SLC6A2: variants seen among roughly 807,000 people sequenced by gnomAD.
SLC6A2 encodes solute carrier family 6 member 2.
SLC6A2 carries 26 observed loss-of-function variants against 71.7 expected under a neutral mutation model. The ratio of observed to expected loss-of-function variants is 0.36; its 90% CI spans 0.27 to 0.50. The LOEUF is 0.50. Ranked by LOEUF, SLC6A2 falls within the 20% of genes least tolerant of loss-of-function variation. SLC6A2 has a pLI of 0.96. For synonymous variants in SLC6A2, 363 were observed against 337.9 expected (o/e 1.07, Z -0.82); for missense variants, 581 against 803.9 (o/e 0.72, Z 3.35).
intron 10 of SLC6A2, 36 bp downstream of exon 10, chr16:55,698,061 C>T (rs1965855222): frequency 1.2e-6 from 2 of 1,610,170 alleles, no homozygotes; most frequent in African/African-American, 1.3e-5. Context: ...ACCTGGGGGC[C>T]TCTGAGGCCG....
chr16:55,678,551 G>A (rs78727769), intron 4 of SLC6A2, among the ~76,000 whole-genome samples: 4,954 of 152,184 alleles, frequency 0.033, 257 homozygotes, highest in African/African-American at 0.11. Flanking sequence ...CAGGCTCCAG[G>A]CCTGAAGCCA....
chr16:55,672,956 A>G (rs1336447346), intron 4 of SLC6A2, among the ~76,000 whole-genome samples: 1 of 152,266 alleles, frequency 6.6e-6, no homozygotes, highest in African/African-American at 2.4e-5. Flanking sequence ...TTGACAACTT[A>G]CATAACCATG....
Position 55,703,942 on chromosome 16 carries a change from G to C in SLC6A2, c.*1596G>C, listed in dbSNP as rs1459446075. 2.0e-5 allele frequency among the ~76,000 whole-genome samples: 3 copies of C among 152,040 alleles called. No homozygotes were observed. Among genetic ancestry groups the C allele is most frequent in the African/African-American group, 4.8e-5 (2 of 41,396 alleles). On this transcript the variant is annotated 3_prime_UTR_variant, in exon 15 of 15. Transcript: ENST00000568943. ...GTCGGGGTCCTCAGGTCATTCTATA[G>C]ATAAAAGAGGGAAAATCAGGAGACT...
At chr16:55,679,046 G>C (rs1381119366) in intron 4 of SLC6A2, among the ~76,000 whole-genome samples, 1 of 152,108 alleles carries the variant, frequency 6.6e-6, no homozygotes, top group Non-Finnish European at 1.5e-5. Flanking sequence ...GACACCAGAG[G>C]CATTTTGGCA....
At chr16:55,683,974 A>T (rs900894084) in intron 4 of SLC6A2, among the ~76,000 whole-genome samples, 2 of 152,186 alleles carry the variant, frequency 1.3e-5, no homozygotes, top group African/African-American at 4.8e-5. Flanking sequence ...TGTGTGCTAG[A>T]GCCATCCCTC....
chr16:55,698,010 G>C lies in SLC6A2; in HGVS notation c.1374G>C (p.Leu458=). The C allele has an allele frequency of 1.2e-6, 2 of 1,614,152 alleles. No individual in the cohort carries two copies. Among genetic ancestry groups the C allele is most frequent in the Non-Finnish European group, 8.5e-7 (1 of 1,180,026 alleles). ...GVTFSTFLLA[L]FCITKGGIYV... ...CCTTCAGCACTTTCCTTCTCGCCCTGTTCTGCATAACCAAGGTGAGTAGGG... is the reference window on the plus strand; with the variant it reads ...CCTTCAGCACTTTCCTTCTCGCCCTCTTCTGCATAACCAAGGTGAGTAGGG... Residue 458 remains leucine, a synonymous_variant, in exon 10 of 15, where the codon CTG becomes CTC. Coordinates refer to ENST00000568943, the MANE Select transcript of SLC6A2 (RefSeq NM_001172501.3).
Position 55,691,983 on chromosome 16 carries a change from G to A in SLC6A2, c.849G>A (p.Thr283=), listed in dbSNP as rs537572640. The A allele has an allele frequency of 1.2e-5, 19 of 1,614,032 alleles. No homozygotes were observed. The highest frequency in any genetic ancestry group is 6.6e-5 in the South Asian group (6 of 91,080). The change falls in exon 6 of 15, where the codon ACG becomes ACA. Residue 283 remains threonine, a synonymous_variant. Transcript: ENST00000568943. ...VLFVLLVHGV[T]LPGASNGINA... ...TCGTGCTCCTGGTCCATGGCGTCACGCTGCCCGGAGCCTCCAATGGCATCA... is the reference window on the plus strand; with the variant it reads ...TCGTGCTCCTGGTCCATGGCGTCACACTGCCCGGAGCCTCCAATGGCATCA...
intron 4 of SLC6A2, 69 bp from the exon 5 acceptor site, chr16:55,685,074 T>C (rs1238131289): frequency 6.7e-7 from 1 of 1,502,440 alleles, no homozygotes; most frequent in Non-Finnish European, 9.2e-7. Flanking sequence ...GGGACTGGTC[T>C]GTGGTCACGG....
chr16:55,661,835 C>A (rs976347288), intron 2 of SLC6A2, among the ~76,000 whole-genome samples: 2 of 152,240 alleles, frequency 1.3e-5, no homozygotes, highest in African/African-American at 2.4e-5. Context: ...CCCAAGGAAG[C>A]TCAGAGTCTT....
In SLC6A2 at chr16:55,669,473, C is replaced by T. The variant is rs955475128; in HGVS notation, c.275-92C>T. On this transcript the variant is annotated intron_variant, in intron 2 of 14. Coordinates refer to ENST00000568943, the MANE Select transcript of SLC6A2 (RefSeq NM_001172501.3). Reference sequence around the variant, plus strand: ...CTTTGGAAACAGCCAGCTGAGCAGACGCCCAGGATCTTTGCAGCTCTTGCA... The same window carrying T: ...CTTTGGAAACAGCCAGCTGAGCAGATGCCCAGGATCTTTGCAGCTCTTGCA... The T allele has an allele frequency of 2.3e-5, 32 of 1,418,304 alleles. 1 individual carries two copies. The highest frequency in any genetic ancestry group is 4.6e-5 in the East Asian group (2 of 43,896). 87.9% of individuals were successfully genotyped at this position (1,418,304 alleles called of 1,614,324 possible).
chr16:55,669,755 G>C, intron 3 of SLC6A2, 59 bp downstream of exon 3: 1 of 1,590,978 alleles, frequency 6.3e-7, no homozygotes, highest in Non-Finnish European at 8.6e-7. Context: ...GTTGCCCTTG[G>C]GGAATCTGCT....
intron 13 of SLC6A2, among the ~76,000 whole-genome samples, chr16:55,701,453 G>A (rs1965969053): frequency 6.6e-6 from 1 of 152,168 alleles, no homozygotes; most frequent in African/African-American, 2.4e-5. Context: ...CACTGCAGGA[G>A]GGCTTTCCTG....
intron 2 of SLC6A2, among the ~76,000 whole-genome samples, chr16:55,660,928 T>C (rs940751310): frequency 6.6e-6 from 1 of 152,236 alleles, no homozygotes; most frequent in African/African-American, 2.4e-5. Flanking sequence ...GGCTAATGTT[T>C]TCTGAATGAA....
In SLC6A2 at chr16:55,695,284, C is replaced by T. The variant is rs753580419; in HGVS notation, c.1029C>T (p.Ala343=). ...ACTGTGCTTCTTCCCCCAGGGATGCCCTGCTGACCAGCAGCATCAACTGTA... is the reference window on the plus strand; with the variant it reads ...ACTGTGCTTCTTCCCCCAGGGATGCTCTGCTGACCAGCAGCATCAACTGTA... ...NKFDNNCYRD[A]LLTSSINCIT... is the part of the protein sequence containing the mutation. The change falls in exon 8 of 15, where the codon GCC becomes GCT. Residue 343 remains alanine, a synonymous_variant. Coordinates refer to ENST00000568943, the MANE Select transcript of SLC6A2 (RefSeq NM_001172501.3). 1.2e-6 allele frequency: 2 copies of T among 1,614,128 alleles called. No homozygotes were observed. The highest frequency in any genetic ancestry group is 4.5e-5 in the East Asian group (2 of 44,862).
chr16:55,665,251 A>T (rs1386503156), intron 2 of SLC6A2, among the ~76,000 whole-genome samples: 2 of 152,190 alleles, frequency 1.3e-5, no homozygotes, highest in East Asian at 3.9e-4. Context: ...AACATGTTTT[A>T]TTTAACAGTT....
chr16:55,688,490 T>C (rs1414563164), intron 5 of SLC6A2, among the ~76,000 whole-genome samples: 1 of 152,214 alleles, frequency 6.6e-6, no homozygotes, highest in Admixed American at 6.5e-5. Flanking sequence ...AAAGGGTAAA[T>C]TAATGCAGAT....
intron 13 of SLC6A2, among the ~76,000 whole-genome samples, chr16:55,700,781 G>A (rs1463844973): frequency 6.6e-6 from 1 of 151,940 alleles, no homozygotes; most frequent in Non-Finnish European, 1.5e-5. Flanking sequence ...AGAGATTTCT[G>A]AACTATTTCT....
At chr16:55,657,118 A>AG (rs1418004699) in intron 2 of SLC6A2, 150 bp downstream of exon 2, 1 of 817,026 alleles carries the variant, frequency 1.2e-6, no homozygotes, top group Non-Finnish European at 1.9e-6. Flanking sequence ...GCTAACGGGA[A>AG]AAAAAAAGAT....
chr16:55,695,529 A>G, intron 8 of SLC6A2, 127 bp downstream of exon 8: 1 of 1,047,390 alleles, frequency 9.5e-7, no homozygotes, highest in East Asian at 2.5e-5. Flanking sequence ...TGTCCAAACC[A>G]CCCATGTGAT....
Sources: allele counts gnomAD v4.1 joint callset (sites outside exome capture counted in the v4.1 genomes callset), GRCh38; gene constraint gnomAD v4.1.1; transcripts MANE v1.5; gene names NCBI Gene and HGNC (gene_info 2026-07-23, HGNC 2026-07-21).